Variants in ZNF469 observed in about 807,000 individuals in gnomAD.
ZNF469 encodes zinc finger protein 469.
A neutral mutation model predicts 1.0 loss-of-function variants in ZNF469; 1 was observed. That is an observed-to-expected ratio of 1.00 (90% CI 0.35 to 4.73). The LOEUF is 4.73. ZNF469 is among the 30% of genes most tolerant of loss of function. The pLI, the probability that ZNF469 is intolerant of heterozygous loss-of-function variation, is 0.16. For missense variants in ZNF469, 6,100 were observed against 5,356.3 expected (o/e 1.14, Z -4.33); for synonymous variants, 2,703 against 2,363.4 (o/e 1.14, Z -4.17).
chr16:88,404,665 G>C (rs1341130629), intron 1 of ZNF469, among the ~76,000 whole-genome samples: 1 of 152,164 alleles, frequency 6.6e-6, no homozygotes, highest in African/African-American at 2.4e-5. Context: ...TGCTGGTGGG[G>C]GCAGGCACAG....
chr16:88,426,542 G>T (rs1000128070), intron 2 of ZNF469, among the ~76,000 whole-genome samples: 3 of 152,264 alleles, frequency 2.0e-5, no homozygotes, highest in African/African-American at 7.2e-5. Context: ...CTGGGCAAGC[G>T]GCTCCTGCTA....
At chr16:88,406,997 A>G (rs1458238749) in intron 1 of ZNF469, among the ~76,000 whole-genome samples, 2 of 152,134 alleles carry the variant, frequency 1.3e-5, no homozygotes, top group Non-Finnish European at 2.9e-5. Context: ...CAGCATAAAC[A>G]TGTTTTAAGA....
the ZNF469 span, among the ~76,000 whole-genome samples, chr16:88,362,080 A>G: frequency 6.6e-6 from 1 of 152,228 alleles, no homozygotes; most frequent in African/African-American, 2.4e-5. Flanking sequence ...AAATTCAGCT[A>G]CTATCGATTC....
At chr16:88,271,390 G>T in the ZNF469 span, among the ~76,000 whole-genome samples, 1 of 132,940 alleles carries the variant, frequency 7.5e-6, no homozygotes, top group African/African-American at 2.5e-5. Context: ...TTGTGAGAAG[G>T]TGGCCTAGAC....
At position 88,429,349 on chromosome 16, in the gene ZNF469, G is replaced by C. The variant is rs1272358231; in HGVS notation, c.1879G>C (p.Gly627Arg). The C allele has an allele frequency of 1.3e-6, 2 of 1,549,766 alleles. No individual in the cohort carries two copies. Among genetic ancestry groups the C allele is most frequent in the Non-Finnish European group, 1.7e-6 (2 of 1,146,742 alleles). The change falls in exon 3 of 3, where the codon GGC (glycine) becomes CGC (arginine). Residue 627 changes from glycine (G) to arginine (R), a missense_variant. By Grantham distance (125) the Gly-to-Arg change is moderately radical. Coordinates refer to ENST00000565624, the MANE Select transcript of ZNF469 (RefSeq NM_001367624.2). ...NPSSEESQLP[G>R]PLGPSAFFHP... ...CAGCTCAGAGGAAAGCCAGCTCCCC[G>C]GCCCCCTCGGGCCCTCGGCCTTCTT...
chr16:88,435,763 G>C lies in ZNF469; in HGVS notation c.8293G>C (p.Gly2765Arg). The change falls in exon 3 of 3, where the codon GGT (glycine) becomes CGT (arginine). Residue 2765 changes from glycine to arginine, a missense_variant. Gly to Arg is a moderately radical substitution (Grantham distance 125). Transcript: ENST00000565624. ...GGGACCAAGAGAGACCAAGGCGTTG[G>C]GTGTGTGCAAAGAGTCTGGGAGCGA... is the stretch of plus-strand genomic sequence containing the variant. ...FWGPRETKAL[G>R]VCKESGSEPA... The C allele has an allele frequency of 6.4e-7, 1 of 1,550,824 alleles. No homozygotes were observed. Among genetic ancestry groups the C allele is most frequent in the South Asian group, 1.2e-5 (1 of 84,070 alleles).
the ZNF469 span, among the ~76,000 whole-genome samples, chr16:88,200,520 G>C: frequency 0.029 from 4,342 of 152,350 alleles, 177 homozygotes; most frequent in East Asian, 0.17. Flanking sequence ...CAGCTGAGCT[G>C]TCTTCCCCGG....
At chr16:88,396,929 C>CTCCTGAAGGGAGGCCGGGAGGAGACCT (rs747449600) in intron 1 of ZNF469, among the ~76,000 whole-genome samples, 2 of 133,586 alleles carry the variant, frequency 1.5e-5, no homozygotes, top group African/African-American at 6.1e-5. Flanking sequence ...GGAGGAGACC[C>CTCCTGAAGGGAGGCCGGGAGGAGACCT]GTCTGAAGGG....
chr16:88,253,759 G>A, the ZNF469 span, among the ~76,000 whole-genome samples: 1,321 of 152,186 alleles, frequency 8.7e-3, 16 homozygotes, highest in African/African-American at 0.031. Flanking sequence ...GGGTAGTCTC[G>A]AACTCCTGAC....
chr16:88,253,420 T>C, the ZNF469 span, among the ~76,000 whole-genome samples: 1 of 151,688 alleles, frequency 6.6e-6, no homozygotes, highest in Non-Finnish European at 1.5e-5. Context: ...CACTGTGGGA[T>C]TTGCATTTCT....
At chr16:88,313,017 T>G in the ZNF469 span, among the ~76,000 whole-genome samples, 1 of 152,240 alleles carries the variant, frequency 6.6e-6, no homozygotes. Context: ...TGCAGCCTGA[T>G]CTAGGGATAA....
chr16:88,191,123 C>T, the ZNF469 span, among the ~76,000 whole-genome samples: 1 of 151,542 alleles, frequency 6.6e-6, no homozygotes, highest in Non-Finnish European at 1.5e-5. Flanking sequence ...GTGTTGAGAG[C>T]CAAGTGGATT....
chr16:88,418,564 C>T (rs1345301853), intron 1 of ZNF469, among the ~76,000 whole-genome samples: 3 of 152,008 alleles, frequency 2.0e-5, no homozygotes, highest in African/African-American at 7.3e-5. Flanking sequence ...GGCCACCTCC[C>T]TGTCATTTTC....
At chr16:88,398,223 C>G (rs1904745834) in intron 1 of ZNF469, among the ~76,000 whole-genome samples, 1 of 151,488 alleles carries the variant, frequency 6.6e-6, no homozygotes, top group Non-Finnish European at 1.5e-5. Context: ...CTCCTCACTA[C>G]TGGTCCTGTG....
the ZNF469 span, among the ~76,000 whole-genome samples, chr16:88,107,199 G>A: frequency 0.51 from 77,559 of 151,880 alleles, 20,216 homozygotes; most frequent in Middle Eastern, 0.64. Flanking sequence ...CTTGATGCCT[G>A]GATTAGCCCA....
At chr16:88,110,354 C>T in the ZNF469 span, among the ~76,000 whole-genome samples, 1 of 152,274 alleles carries the variant, frequency 6.6e-6, no homozygotes, top group African/African-American at 2.4e-5. Context: ...GAGAATTCTG[C>T]TCCCGCTCAC....
At chr16:88,328,618 C>G in the ZNF469 span, among the ~76,000 whole-genome samples, 1 of 152,222 alleles carries the variant, frequency 6.6e-6, no homozygotes, top group African/African-American at 2.4e-5. Flanking sequence ...GCACTGATCT[C>G]CTCCATCCCT....
the ZNF469 span, among the ~76,000 whole-genome samples, chr16:88,128,968 A>G: frequency 6.6e-6 from 1 of 152,280 alleles, no homozygotes; most frequent in Non-Finnish European, 1.5e-5. Context: ...TGACTGGAAA[A>G]TGCAGCACAC....
the ZNF469 span, among the ~76,000 whole-genome samples, chr16:88,303,071 C>T: frequency 0.052 from 7,964 of 152,204 alleles, 323 homozygotes; most frequent in East Asian, 0.15. Context: ...TCCAATCTGA[C>T]GGCTGAAGGA....
Sources: allele counts gnomAD v4.1 joint callset (sites outside exome capture counted in the v4.1 genomes callset), GRCh38; gene constraint gnomAD v4.1.1; transcripts MANE v1.5; gene names NCBI Gene and HGNC (gene_info 2026-07-23, HGNC 2026-07-21).